SERINC1: variants seen among roughly 807,000 people sequenced by gnomAD.
SERINC1 encodes the protein serine incorporator 1, also known as tumor differentially expressed protein 2.
SERINC1 carries 38 observed loss-of-function variants against 52.9 expected under a neutral mutation model. The observed-to-expected ratio is 0.72, with a 90% CI of 0.55 to 0.94. The LOEUF is 0.94. Ranked by LOEUF, SERINC1 falls within the 40% of genes least tolerant of loss-of-function variation. The pLI is 0.00. For synonymous variants in SERINC1, 198 were observed against 183.1 expected (o/e 1.08, Z -0.66); for missense variants, 471 against 533.9 (o/e 0.88, Z 1.16).
At chr6:122,467,660 A>C (rs982401665) in intron 1 of SERINC1, among the ~76,000 whole-genome samples, 1 of 152,234 alleles carries the variant, frequency 6.6e-6, no homozygotes, top group South Asian at 2.1e-4. Context: ...TGAAAGGAAA[A>C]GTCATTGCAT....
chr6:122,451,776 A>AAAATATATATATATATATAT, intron 6 of SERINC1, 22 bp from the exon 7 acceptor site: 3 of 113,080 alleles, frequency 2.7e-5, no homozygotes, highest in African/African-American at 1.5e-4. Context: ...AAAAAAAAAA[A>AAAATATATATATATATATAT]ATATATATAT....
At chr6:122,471,512 C>T (rs539455401) in intron 1 of SERINC1, among the ~76,000 whole-genome samples, 187 bp downstream of exon 1, 2 of 152,324 alleles carry the variant, frequency 1.3e-5, no homozygotes, top group South Asian at 4.1e-4. Flanking sequence ...ATCAGTTCTT[C>T]GCAAGACCCA....
chr6:122,454,204 G>C lies in SERINC1; in HGVS notation c.398C>G (p.Ala133Gly), dbSNP rs139109570. 6.3e-7 allele frequency: 1 copy of C among 1,583,966 alleles called. No homozygotes were observed. Reference protein sequence around the residue: ...NGFWFFKFAAAIAIIIGAFFI... With the variant: ...NGFWFFKFAAGIAIIIGAFFI... ...GAATGCCCCAATAATAATTGCAATT[G>C]CTGCAGCAAATTTAAAGAACCAAAA... The change falls in exon 4 of 10, where the codon GCA becomes GGA. Residue 133 changes from alanine (A) to glycine (G), a missense_variant. Ala to Gly is a moderately conservative substitution (Grantham distance 60). Transcript: ENST00000339697.
Position 122,444,530 on chromosome 6 carries a change from C to T in SERINC1, c.*514G>A, listed in dbSNP as rs2114470985. 1 of 152,856 alleles carries T rather than the reference C, an allele frequency of 6.5e-6. No homozygotes were observed. Among genetic ancestry groups the T allele is most frequent in the African/African-American group, 2.4e-5 (1 of 41,588 alleles). 9.5% of individuals were successfully genotyped at this position (152,856 alleles called of 1,614,324 possible). A position where few individuals can be genotyped will look rare whatever the true frequency, so the allele number is the denominator to read the frequency against. ...ATAACCTACACTATTGTCCACTAAA[C>T]ACTCCCTACCTGTGTAAATTCCGTA... is the stretch of plus-strand genomic sequence containing the variant. On this transcript the variant is annotated 3_prime_UTR_variant, in exon 10 of 10. Coordinates refer to ENST00000339697, the MANE Select transcript of SERINC1 (RefSeq NM_020755.4).
chr6:122,471,733 C>A lies in SERINC1; in HGVS notation c.5G>T (p.Gly2Val). 1.2e-6 allele frequency: 2 copies of A among 1,614,154 alleles called. No individual in the cohort carries two copies. The highest frequency in any genetic ancestry group is 1.7e-6 in the Non-Finnish European group (2 of 1,179,988). ...CATGGAGCACAGCCCCAGGACGCTC[C>A]CCATCTCCACAACGTCACAAGAGCA... MGSVLGLCSMAS... is the reference protein window; with the variant it reads MVSVLGLCSMAS... The change falls in exon 1 of 10, where the codon GGG (glycine) becomes GTG (valine). Residue 2 changes from glycine to valine, a missense_variant. Gly to Val is a moderately radical substitution (Grantham distance 109). Transcript: ENST00000339697.
intron 4 of SERINC1, 39 bp from the exon 5 acceptor site, chr6:122,453,946 T>G: frequency 6.5e-7 from 1 of 1,537,778 alleles, no homozygotes; most frequent in Non-Finnish European, 8.7e-7. Flanking sequence ...GATTGGTTAG[T>G]TTGATTTTTA....
chr6:122,459,544 G>A (rs1292444516), intron 1 of SERINC1, among the ~76,000 whole-genome samples: 8 of 151,878 alleles, frequency 5.3e-5, no homozygotes, highest in African/African-American at 1.7e-4. Context: ...TCCACAAAAC[G>A]GAAATACATG....
At chr6:122,454,052 C>T in intron 4 of SERINC1, 99 bp downstream of exon 4, 1 of 1,115,886 alleles carries the variant, frequency 9.0e-7, no homozygotes, top group Non-Finnish European at 1.3e-6. Context: ...ACACACACAC[C>T]CCCAAACAAA....
intron 7 of SERINC1, among the ~76,000 whole-genome samples, 194 bp from the exon 8 acceptor site, chr6:122,447,459 T>TTAA (rs111664129): frequency 7.6e-4 from 116 of 152,306 alleles, no homozygotes; most frequent in African/African-American, 2.7e-3. Flanking sequence ...ATAGTTCTGA[T>TTAA]TTTATAGAAG....
rs566843403 is a variant in SERINC1 at position 122,459,578 on chromosome 6, T to C, written c.40-897A>G. 2.0e-5 allele frequency among the ~76,000 whole-genome samples: 3 copies of C among 152,226 alleles called. No homozygotes were observed. The South Asian group carries it at 6.2e-4, about 32-fold the overall frequency. ...TGTCATGGCAACTATGTAAATATAC[T>C]TTAGCAAAAGTTAAACATAAACATC... On this transcript the variant is annotated intron_variant, in intron 1 of 9. Coordinates refer to ENST00000339697, the MANE Select transcript of SERINC1 (RefSeq NM_020755.4).
At chr6:122,455,097 T>C (rs1032012676) in intron 3 of SERINC1, among the ~76,000 whole-genome samples, 2 of 152,172 alleles carry the variant, frequency 1.3e-5, no homozygotes, top group African/African-American at 4.8e-5. Context: ...TGTCTTTATT[T>C]GCAGATTATG....
At chr6:122,448,086 G>T (rs980456873) in intron 7 of SERINC1, among the ~76,000 whole-genome samples, 1 of 147,250 alleles carries the variant, frequency 6.8e-6, no homozygotes, top group East Asian at 2.0e-4. Flanking sequence ...CCAGCCTAAC[G>T]ACAGAGCGAG....
chr6:122,469,992 T>C (rs914827316), intron 1 of SERINC1, among the ~76,000 whole-genome samples: 2 of 152,194 alleles, frequency 1.3e-5, no homozygotes, highest in Admixed American at 6.5e-5. Flanking sequence ...AATCAAACAA[T>C]TAATGAATAG....
intron 1 of SERINC1, 125 bp downstream of exon 1, chr6:122,471,574 A>T: frequency 8.9e-7 from 1 of 1,129,906 alleles, no homozygotes; most frequent in Non-Finnish European, 1.3e-6. Context: ...GAAAACGGGG[A>T]CAGAGAGGGC....
intron 1 of SERINC1, among the ~76,000 whole-genome samples, chr6:122,461,608 T>C (rs917564781): frequency 1.3e-5 from 2 of 151,344 alleles, no homozygotes; most frequent in African/African-American, 2.4e-5. Flanking sequence ...TGTATACATA[T>C]GTAACTAACC....
intron 3 of SERINC1, among the ~76,000 whole-genome samples, chr6:122,455,138 G>A (rs1458330664): frequency 6.6e-6 from 1 of 152,118 alleles, no homozygotes; most frequent in African/African-American, 2.4e-5. Flanking sequence ...ACGGGTTCAA[G>A]TTGACAATGG....
At position 122,453,690 on chromosome 6, in the gene SERINC1, A is replaced by T. The variant is rs189820863; in HGVS notation, c.589+80T>A. ...TAGGAAAGTAGACCATAAAAATCCT[A>T]AGTGATTTACCTAGTCTACATATCT... On this transcript the variant is annotated intron_variant, in intron 5 of 9. Coordinates refer to ENST00000339697, the MANE Select transcript of SERINC1 (RefSeq NM_020755.4). The T allele has an allele frequency of 2.1e-3, 2,396 of 1,162,344 alleles. 8 individuals carry two copies. Among genetic ancestry groups the T allele is most frequent in the Non-Finnish European group, 1.9e-3 (1,668 of 864,352 alleles). 72.0% of individuals were successfully genotyped at this position (1,162,344 alleles called of 1,614,324 possible).
chr6:122,451,789 A>ATATATATC, intron 6 of SERINC1, 35 bp from the exon 7 acceptor site: 1 of 448,854 alleles, frequency 2.2e-6, no homozygotes, highest in Admixed American at 5.2e-5. Context: ...ATATATATAT[A>ATATATATC]TATATAGCAA....
At chr6:122,466,701 G>T (rs573511000) in intron 1 of SERINC1, among the ~76,000 whole-genome samples, 1 of 152,032 alleles carries the variant, frequency 6.6e-6, no homozygotes, top group Non-Finnish European at 1.5e-5. Context: ...AAAATTCAAC[G>T]GAAGTTCTGA....
Sources: allele counts gnomAD v4.1 joint callset (sites outside exome capture counted in the v4.1 genomes callset), GRCh38; gene constraint gnomAD v4.1.1; transcripts MANE v1.5; gene names NCBI Gene and HGNC (gene_info 2026-07-23, HGNC 2026-07-21).